CDC42BPA: variants seen among roughly 807,000 people sequenced by gnomAD.
The protein encoded by CDC42BPA is CDC42 binding protein kinase alpha.
In CDC42BPA, 80 loss-of-function variants were observed where a neutral mutation model predicts 223.5. That is an observed-to-expected ratio of 0.36 (90% CI 0.30 to 0.43). The LOEUF is 0.43. Among genes scored for constraint, CDC42BPA ranks in the 20% least tolerant of loss-of-function variants. The probability of loss-of-function intolerance (pLI) is 1.00; values close to 1 mark genes in which losing one functional copy is unlikely to be tolerated. For synonymous variants in CDC42BPA, 694 were observed against 718.6 expected (o/e 0.97, Z 0.55); for missense variants, 1,743 against 2,099.9 (o/e 0.83, Z 3.32).
At chr1:227,233,133 C>T (rs899199288) in intron 2 of CDC42BPA, among the ~76,000 whole-genome samples, 2 of 152,256 alleles carry the variant, frequency 1.3e-5, no homozygotes, top group East Asian at 1.9e-4. Flanking sequence ...TTCTGCGTCA[C>T]TCACGCTGGG....
intron 6 of CDC42BPA, 67 bp downstream of exon 6, chr1:227,160,476 G>A (rs896713319): frequency 1.5e-5 from 15 of 1,001,648 alleles, no homozygotes; most frequent in African/African-American, 1.3e-4. Flanking sequence ...TTCTAAAACA[G>A]ATATATCAGA....
At chr1:227,115,870 AG>A (rs1219546580) in intron 12 of CDC42BPA, among the ~76,000 whole-genome samples, 3 of 138,258 alleles carry the variant, frequency 2.2e-5, no homozygotes, top group Non-Finnish European at 3.2e-5. Context: ...AAAAGAAAAG[AG>A]GAAAAAAAAA....
chr1:227,110,093 G>GT (rs903470969), intron 14 of CDC42BPA, among the ~76,000 whole-genome samples: 1 of 152,188 alleles, frequency 6.6e-6, no homozygotes. Flanking sequence ...GGCTGACTCT[G>GT]TATCTGTTAG....
intron 2 of CDC42BPA, among the ~76,000 whole-genome samples, chr1:227,217,447 CAA>C (rs34258602): frequency 2.2e-5 from 3 of 136,212 alleles, no homozygotes; most frequent in African/African-American, 5.4e-5. Context: ...GACTCTGTCT[CAA>C]AAAAAAAAAG....
chr1:226,990,203 T>A lies in CDC42BPA; in HGVS notation c.*4065A>T, dbSNP rs1049115491. 6.6e-6 allele frequency: 1 copy of A among 151,532 alleles called. No homozygotes were observed. Among genetic ancestry groups the A allele is most frequent in the South Asian group, 2.1e-4 (1 of 4,816 alleles). 9.4% of individuals were successfully genotyped at this position (151,532 alleles called of 1,614,324 possible). On this transcript the variant is annotated 3_prime_UTR_variant, in exon 37 of 37. Coordinates refer to ENST00000366766, the MANE Select transcript of CDC42BPA (RefSeq NM_001394014.1). The stretch of plus-strand genomic sequence containing the variant: ...ATATTACGAGAAAAACCCTAAAAAA[T>A]TTATAAAATGAATGATATTACACTA...
At chr1:227,211,105 T>G (rs1217893315) in intron 3 of CDC42BPA, among the ~76,000 whole-genome samples, 3 of 152,120 alleles carry the variant, frequency 2.0e-5, no homozygotes, top group Non-Finnish European at 2.9e-5. Flanking sequence ...ATTTACTCCT[T>G]GAGAAATCCA....
intron 1 of CDC42BPA, among the ~76,000 whole-genome samples, chr1:227,302,373 C>T (rs551391765): frequency 4.6e-5 from 7 of 152,282 alleles, no homozygotes; most frequent in South Asian, 2.1e-4. Flanking sequence ...GTCCTTATCC[C>T]GCCCTCATAC....
intron 1 of CDC42BPA, among the ~76,000 whole-genome samples, chr1:227,265,692 A>G (rs1684878570): frequency 6.6e-6 from 1 of 152,014 alleles, no homozygotes; most frequent in Non-Finnish European, 1.5e-5. Context: ...CCTCCCATCT[A>G]TTTGAACTTG....
intron 20 of CDC42BPA, among the ~76,000 whole-genome samples, chr1:227,071,274 G>A (rs1015457396): frequency 1.3e-5 from 2 of 151,904 alleles, no homozygotes; most frequent in Non-Finnish European, 2.9e-5. Context: ...TTGCATGGCT[G>A]AGAAATGATA....
intron 21 of CDC42BPA, among the ~76,000 whole-genome samples, chr1:227,065,272 G>A (rs2059017563): frequency 2.0e-5 from 3 of 152,108 alleles, no homozygotes; most frequent in South Asian, 2.1e-4. Flanking sequence ...TAACAGAAGA[G>A]TGCTGTAATG....
chr1:227,288,745 A>G (rs1394721861), intron 1 of CDC42BPA, among the ~76,000 whole-genome samples: 1 of 152,116 alleles, frequency 6.6e-6, no homozygotes, highest in Non-Finnish European at 1.5e-5. Context: ...CTGCAATCCC[A>G]ACACTTTGGA....
At position 227,150,238 on chromosome 1, in the gene CDC42BPA, C is replaced by CA. The variant is rs762925663; in HGVS notation, c.694-2680dup. Among the ~76,000 whole-genome samples, 665 of 126,224 alleles carry CA rather than the reference C, an allele frequency of 5.3e-3. 1 individual carries two copies. The highest frequency in any genetic ancestry group is 8.9e-3 in the South Asian group (33 of 3,688). The allele number at this position is 126,224 out of a possible 152,430, so 82.8% of individuals were successfully genotyped here. A position where few individuals can be genotyped will look rare whatever the true frequency, so the allele number is the denominator to read the frequency against. ...AAACCCTGTCTCAAAAAAAAAAAAA[C>CA]AAAAAAAACAAAAAGTACTCAGAAG... On this transcript the variant is annotated intron_variant, in intron 6 of 36. Coordinates refer to ENST00000366766, the MANE Select transcript of CDC42BPA (RefSeq NM_001394014.1).
intron 4 of CDC42BPA, among the ~76,000 whole-genome samples, chr1:227,197,806 A>G (rs1232995654): frequency 6.6e-6 from 1 of 152,178 alleles, no homozygotes; most frequent in Non-Finnish European, 1.5e-5. Flanking sequence ...ACATTGCTAT[A>G]ATTTTTCTAG....
At chr1:227,201,360 T>C (rs896111598) in intron 3 of CDC42BPA, among the ~76,000 whole-genome samples, 1 of 152,004 alleles carries the variant, frequency 6.6e-6, no homozygotes, top group Non-Finnish European at 1.5e-5. Context: ...CTTGCTCAGG[T>C]TGGTCTCATA....
chr1:227,100,045 TGGG>T (rs1684724046), intron 15 of CDC42BPA, among the ~76,000 whole-genome samples: 1 of 152,200 alleles, frequency 6.6e-6, no homozygotes, highest in South Asian at 2.1e-4. Flanking sequence ...TGAATAAATT[TGGG>T]CTTCCAATAT....
chr1:227,203,917 A>G (rs748348405), intron 3 of CDC42BPA, among the ~76,000 whole-genome samples: 8 of 152,222 alleles, frequency 5.3e-5, no homozygotes, highest in African/African-American at 1.4e-4. Flanking sequence ...CATCGTATTG[A>G]TAAGATGCAC....
intron 5 of CDC42BPA, among the ~76,000 whole-genome samples, chr1:227,190,565 GATT>G (rs10611739): frequency 0.68 from 103,431 of 151,634 alleles, 35,487 homozygotes; most frequent in South Asian, 0.73. Context: ...GGCCTTAAAT[GATT>G]ATTTAACTTG....
chr1:226,994,176 A>T lies in CDC42BPA; in HGVS notation c.*92T>A, dbSNP rs995294242. On this transcript the variant is annotated 3_prime_UTR_variant, in exon 37 of 37. Transcript: ENST00000366766. The surrounding 1 kb of genome is among the most constrained non-coding windows in gnomAD (Gnocchi z 4.0). Reference sequence around the variant, plus strand: ...CTGCTGCCAGCCCCTGGTGGCTTTCAGGCCGAGCAGGCGAGGTGGAGGGAA... The same window carrying T: ...CTGCTGCCAGCCCCTGGTGGCTTTCTGGCCGAGCAGGCGAGGTGGAGGGAA... The T allele has an allele frequency of 4.5e-6, 6 of 1,322,294 alleles. No homozygotes were observed. In the African/African-American group the frequency reaches 7.4e-5, roughly 16 times the overall value. 81.9% of individuals were successfully genotyped at this position (1,322,294 alleles called of 1,614,324 possible). A position where few individuals can be genotyped will look rare whatever the true frequency, so the allele number is the denominator to read the frequency against.
chr1:227,292,595 T>C (rs1689883025), intron 1 of CDC42BPA, among the ~76,000 whole-genome samples: 1 of 152,210 alleles, frequency 6.6e-6, no homozygotes, highest in Non-Finnish European at 1.5e-5. Flanking sequence ...CAACAAGGTA[T>C]TAAGATAATT....
Sources: gnomAD v4.1 joint callset for allele counts (sites outside exome capture counted in the v4.1 genomes callset) on GRCh38, gnomAD v4.1.1 for gene constraint, Gnocchi (gnomAD v3.1) non-coding constraint, MANE v1.5 for transcripts, NCBI Gene and HGNC (gene_info 2026-07-23, HGNC 2026-07-21) for gene names.